Variants in BCKDHB observed in about 807,000 individuals in gnomAD.
The protein encoded by BCKDHB is 2-oxoisovalerate dehydrogenase subunit beta, mitochondrial.
BCKDHB carries 41 observed loss-of-function variants against 48.5 expected under a neutral mutation model. The observed-to-expected ratio is 0.85, with a 90% confidence interval of 0.66 to 1.10. BCKDHB has a LOEUF of 1.10. Among genes scored for constraint, BCKDHB ranks in the 50% least tolerant of loss-of-function variants. The pLI is 0.00. For synonymous variants in BCKDHB, 201 were observed against 174.8 expected (o/e 1.15, Z -1.18); for missense variants, 496 against 494.2 (o/e 1.00, Z -0.03).
At chr6:80,211,990 C>A (rs558023377) in intron 8 of BCKDHB, among the ~76,000 whole-genome samples, 1 of 152,008 alleles carries the variant, frequency 6.6e-6, no homozygotes, top group African/African-American at 2.4e-5. Flanking sequence ...TAATAAGGGT[C>A]TAACAAAGAG....
At chr6:80,395,918 A>G in the BCKDHB span, among the ~76,000 whole-genome samples, 1 of 152,206 alleles carries the variant, frequency 6.6e-6, no homozygotes, top group African/African-American at 2.4e-5. Flanking sequence ...ATTGCTTCAG[A>G]GAGTACAAAC....
the BCKDHB span, among the ~76,000 whole-genome samples, chr6:80,428,552 A>G: frequency 2.0e-5 from 3 of 152,144 alleles, no homozygotes; most frequent in Non-Finnish European, 4.4e-5. Flanking sequence ...TGACTTTTTA[A>G]TGAACACCAT....
At chr6:80,112,410 A>C (rs1769456209) in intron 1 of BCKDHB, among the ~76,000 whole-genome samples, 1 of 152,182 alleles carries the variant, frequency 6.6e-6, no homozygotes, top group African/African-American at 2.4e-5. Context: ...CATGCTAACC[A>C]GGCCAACCCT....
the BCKDHB span, among the ~76,000 whole-genome samples, chr6:80,446,637 A>T: frequency 6.6e-6 from 1 of 152,128 alleles, no homozygotes; most frequent in Non-Finnish European, 1.5e-5. Context: ...GAGTTAAAGA[A>T]AGAGGAAAGA....
In BCKDHB at chr6:80,273,340, T is replaced by G. The variant is rs557193350; in HGVS notation, c.1038+119T>G. ...ATACACTTTATGGAAATGTAGTGCATGCTTTCATATACTGTGATAAGTAAA... is the reference window on the plus strand; with the variant it reads ...ATACACTTTATGGAAATGTAGTGCAGGCTTTCATATACTGTGATAAGTAAA... On this transcript the variant is annotated intron_variant, in intron 9 of 9. Coordinates refer to ENST00000320393, the MANE Select transcript of BCKDHB (RefSeq NM_183050.4). The G allele has an allele frequency of 3.6e-6, 3 of 841,224 alleles. No homozygotes were observed. The East Asian group carries it at 7.9e-5, about 22-fold the overall frequency. The allele number at this position is 841,224 out of a possible 1,614,324, so 52.1% of individuals were successfully genotyped here.
intron 9 of BCKDHB, among the ~76,000 whole-genome samples, chr6:80,306,985 A>C (rs1582542442): frequency 6.6e-6 from 1 of 151,858 alleles, no homozygotes; most frequent in South Asian, 2.1e-4. Context: ...CATTGGACCA[A>C]CCTCCAGCAT....
At position 80,106,725 on chromosome 6, in the gene BCKDHB, T is replaced by C. The variant is rs1156405002; in HGVS notation, c.32T>C (p.Leu11Pro). The C allele has an allele frequency of 6.4e-7, 1 of 1,555,604 alleles. No individual in the cohort carries two copies. The highest frequency in any genetic ancestry group is 1.9e-5 in the Admixed American group (1 of 51,756). ...GTTGTAGCGGCGGCTGCCGGCTGGCTACTCAGGCTCAGGGCGGCAGGGGCT... is the reference window on the plus strand; with the variant it reads ...GTTGTAGCGGCGGCTGCCGGCTGGCCACTCAGGCTCAGGGCGGCAGGGGCT... MAVVAAAAGW[L>P]LRLRAAGAEG... Residue 11 changes from leucine (L) to proline (P), a missense_variant, in exon 1 of 10, where the codon CTA becomes CCA. Physicochemically the swap from Leu to Pro is moderately conservative, Grantham distance 98. Coordinates refer to ENST00000320393, the MANE Select transcript of BCKDHB (RefSeq NM_183050.4).
At chr6:80,221,552 T>C (rs1775453973) in intron 8 of BCKDHB, among the ~76,000 whole-genome samples, 1 of 152,200 alleles carries the variant, frequency 6.6e-6, no homozygotes, top group Non-Finnish European at 1.5e-5. Context: ...TTTTCTGAGA[T>C]TTTCTAGGTG....
intron 8 of BCKDHB, among the ~76,000 whole-genome samples, chr6:80,227,332 C>A (rs919080036): frequency 1.3e-5 from 2 of 152,050 alleles, no homozygotes; most frequent in Non-Finnish European, 2.9e-5. Flanking sequence ...TCACTTAAAC[C>A]CTTAAACTCC....
intron 3 of BCKDHB, among the ~76,000 whole-genome samples, chr6:80,156,723 C>T (rs2081746978): frequency 1.3e-5 from 2 of 152,062 alleles, no homozygotes; most frequent in African/African-American, 2.4e-5. Context: ...CTGTTGTGTA[C>T]AGTGCATTTA....
At chr6:80,411,755 G>C in the BCKDHB span, among the ~76,000 whole-genome samples, 1 of 152,224 alleles carries the variant, frequency 6.6e-6, no homozygotes. Flanking sequence ...CTCTGTGGGC[G>C]TGTGACCCAC....
the BCKDHB span, among the ~76,000 whole-genome samples, chr6:80,426,342 C>T: frequency 3.3e-5 from 5 of 152,030 alleles, no homozygotes; most frequent in East Asian, 7.7e-4. Flanking sequence ...TTTGCTCTTA[C>T]CTTTATTATT....
At chr6:80,330,509 CTG>C (rs1350310658) in intron 9 of BCKDHB, among the ~76,000 whole-genome samples, 1 of 152,158 alleles carries the variant, frequency 6.6e-6, no homozygotes, top group African/African-American at 2.4e-5. Flanking sequence ...GCTTGTAAAT[CTG>C]TGTATGTGAT....
rs186141939 is a variant in BCKDHB at position 80,336,866 on chromosome 6, A to G, written c.1039-6798A>G. ...CTTCTAACATTTGGGGGAGCATCCT[A>G]TTAGTTTGGGGGTAGGTTAGGGACT... On this transcript the variant is annotated intron_variant, in intron 9 of 9. Coordinates refer to ENST00000320393, the MANE Select transcript of BCKDHB (RefSeq NM_183050.4). Among the ~76,000 whole-genome samples the G allele has an allele frequency of 1.1e-3, 165 of 152,164 alleles. 1 individual carries two copies. Among genetic ancestry groups the G allele is most frequent in the African/African-American group, 3.7e-3 (152 of 41,562 alleles).
chr6:80,272,492 A>C (rs1057272461), intron 8 of BCKDHB, among the ~76,000 whole-genome samples: 1 of 152,150 alleles, frequency 6.6e-6, no homozygotes, highest in South Asian at 2.1e-4. Context: ...TTTATTTAAT[A>C]TTTTACAGAG....
chr6:80,422,348 C>A, the BCKDHB span, among the ~76,000 whole-genome samples: 1 of 152,270 alleles, frequency 6.6e-6, no homozygotes, highest in African/African-American at 2.4e-5. Context: ...GATGTCCAGG[C>A]AGAAGTCTGT....
chr6:80,150,938 A>G (rs1050151411), intron 3 of BCKDHB, among the ~76,000 whole-genome samples: 1 of 152,186 alleles, frequency 6.6e-6, no homozygotes, highest in African/African-American at 2.4e-5. Context: ...AGTGAGCTGA[A>G]TACTGTCCTT....
chr6:80,343,187 C>A (rs916067031), intron 9 of BCKDHB, among the ~76,000 whole-genome samples: 14 of 152,198 alleles, frequency 9.2e-5, no homozygotes, highest in African/African-American at 2.9e-4. Flanking sequence ...GAGATGAGAA[C>A]ACAGTTAAGT....
chr6:80,179,391 T>C (rs1174957186), intron 6 of BCKDHB, among the ~76,000 whole-genome samples: 1 of 152,176 alleles, frequency 6.6e-6, no homozygotes, highest in Admixed American at 6.5e-5. Context: ...ACTGAACATG[T>C]ACAGGCCTTT....
Sources: allele counts gnomAD v4.1 joint callset (sites outside exome capture counted in the v4.1 genomes callset), GRCh38; gene constraint gnomAD v4.1.1; transcripts MANE v1.5; gene names NCBI Gene and HGNC (gene_info 2026-07-23, HGNC 2026-07-21).